Variants in VWA3B observed in about 807,000 individuals in gnomAD.
VWA3B encodes the protein von Willebrand factor A domain containing 3B, also known as von Willebrand factor A domain-containing protein 3B.
Under a neutral mutation model 158.3 loss-of-function variants are expected in VWA3B, and 138 were observed. The ratio of observed to expected loss-of-function variants is 0.87; its 90% CI spans 0.76 to 1.00. The LOEUF is 1.00. VWA3B is among the 50% of genes least tolerant of loss of function. VWA3B has a pLI of 0.00. For synonymous variants in VWA3B, 596 were observed against 587.3 expected (o/e 1.01, Z -0.21); for missense variants, 1,555 against 1,565.1 (o/e 0.99, Z 0.11).
chr2:98,168,528 T>C (rs1679302586), intron 8 of VWA3B, among the ~76,000 whole-genome samples: 1 of 152,132 alleles, frequency 6.6e-6, no homozygotes, highest in Admixed American at 6.5e-5. Context: ...CATTCAGCTT[T>C]CTTAACTTCA....
At chr2:98,142,651 C>A (rs1676871478) in intron 7 of VWA3B, among the ~76,000 whole-genome samples, 1 of 152,152 alleles carries the variant, frequency 6.6e-6, no homozygotes, top group Non-Finnish European at 1.5e-5. Flanking sequence ...TAAATGTGAC[C>A]TTCTGTAAGT....
intron 7 of VWA3B, among the ~76,000 whole-genome samples, chr2:98,156,438 C>T (rs1678081700): frequency 6.6e-6 from 1 of 152,162 alleles, no homozygotes; most frequent in Non-Finnish European, 1.5e-5. Context: ...ACACAACCAT[C>T]CTCACAGAGA....
rs113067837 is a variant in VWA3B at position 98,181,169 on chromosome 2, A to T, written c.1268A>T (p.Asp423Val). Residue 423 changes from aspartate (D) to valine (V), a missense_variant, in exon 9 of 28, where the codon GAT becomes GTT. Transcript: ENST00000477737. ...CSFRHADGVV[D>V]IKAKPENESV... is the part of the protein sequence containing the mutation. The stretch of plus-strand genomic sequence containing the variant: ...TTCCGCCACGCTGATGGGGTTGTGG[A>T]TATAAAAGCCAAACCGGAGAATGAG... The T allele has an allele frequency of 1.2e-5, 20 of 1,614,204 alleles. No homozygotes were observed. In the African/African-American group the frequency reaches 1.7e-4, roughly 14 times the overall value.
rs184789738 is a variant in VWA3B, at chr2:98,222,391, G to A, written c.2019+4363G>A. Among the ~76,000 whole-genome samples, 525 of 152,296 alleles carry A rather than the reference G, an allele frequency of 3.4e-3. 1 individual carries two copies. Among genetic ancestry groups the A allele is most frequent in the Non-Finnish European group, 5.7e-3 (390 of 68,030 alleles). On this transcript the variant is annotated intron_variant, in intron 14 of 27. Coordinates refer to ENST00000477737, the MANE Select transcript of VWA3B (RefSeq NM_144992.5). ...CACATATAAGAAGTACACCAGAGGA[G>A]GATGTTTACTTGGATAGGTGGGCAG...
At chr2:98,152,112 C>T (rs544733963) in intron 7 of VWA3B, among the ~76,000 whole-genome samples, 5 of 152,212 alleles carry the variant, frequency 3.3e-5, no homozygotes, top group South Asian at 2.1e-4. Context: ...AGGAGTAGGC[C>T]GCAGGGGCCT....
chr2:98,221,698 C>A (rs532297833), intron 14 of VWA3B, among the ~76,000 whole-genome samples: 3 of 152,290 alleles, frequency 2.0e-5, no homozygotes, highest in South Asian at 2.1e-4. Flanking sequence ...ATCAGAGGGA[C>A]TGAGTGGGAA....
chr2:98,144,642 C>G (rs1448572811), intron 7 of VWA3B, among the ~76,000 whole-genome samples: 2 of 151,714 alleles, frequency 1.3e-5, no homozygotes, highest in South Asian at 2.1e-4. Flanking sequence ...TCTCGACTCA[C>G]TGCGACCTCC....
chr2:98,195,632 T>C (rs549401210), intron 12 of VWA3B, among the ~76,000 whole-genome samples: 50 of 152,308 alleles, frequency 3.3e-4, no homozygotes, highest in African/African-American at 1.2e-3. Context: ...AATACCTTGT[T>C]AACTCAGAGC....
chr2:98,129,936 G>A (rs1408051906), intron 6 of VWA3B, among the ~76,000 whole-genome samples: 1 of 152,158 alleles, frequency 6.6e-6, no homozygotes, highest in Non-Finnish European at 1.5e-5. Flanking sequence ...TCGTTAGGTG[G>A]AACGAGAGAT....
At chr2:98,261,629 A>C (rs568271785) in intron 21 of VWA3B, among the ~76,000 whole-genome samples, 13 of 151,794 alleles carry the variant, frequency 8.6e-5, no homozygotes, top group African/African-American at 3.1e-4. Flanking sequence ...TTATCTGGAA[A>C]TGTCTTAATC....
intron 10 of VWA3B, 52 bp downstream of exon 10, chr2:98,188,181 T>A: frequency 6.4e-7 from 1 of 1,566,998 alleles, no homozygotes; most frequent in South Asian, 1.2e-5. Flanking sequence ...CTGGACATTC[T>A]CATCTGCTTG....
At chr2:98,275,428 AG>A (rs1390035993) in intron 22 of VWA3B, among the ~76,000 whole-genome samples, 6 of 152,074 alleles carry the variant, frequency 3.9e-5, no homozygotes, top group Non-Finnish European at 1.5e-5. Context: ...GAGGAGGAGG[AG>A]AGAGTAGAAG....
At chr2:98,303,845 C>A (rs1690349546) in intron 26 of VWA3B, 43 bp downstream of exon 26, 10 of 1,572,658 alleles carry the variant, frequency 6.4e-6, no homozygotes, top group Non-Finnish European at 7.9e-6. Context: ...TAATTTATAT[C>A]CTTGCACCTT....
At chr2:98,279,119 C>T (rs775209261) in intron 22 of VWA3B, among the ~76,000 whole-genome samples, 50 of 152,166 alleles carry the variant, frequency 3.3e-4, no homozygotes, top group Non-Finnish European at 5.4e-4. Context: ...CCCTTCATTA[C>T]TGTGCCACGT....
intron 25 of VWA3B, among the ~76,000 whole-genome samples, chr2:98,301,980 T>TCTTTATCA (rs1198804379): frequency 1.3e-5 from 2 of 152,196 alleles, no homozygotes; most frequent in African/African-American, 4.8e-5. Context: ...CTTTATCAGT[T>TCTTTATCA]TACGAAACTG....
chr2:98,188,181 T>C (rs749534011), intron 10 of VWA3B, 52 bp downstream of exon 10: 1 of 1,566,998 alleles, frequency 6.4e-7, no homozygotes, highest in South Asian at 1.2e-5. Flanking sequence ...CTGGACATTC[T>C]CATCTGCTTG....
chr2:98,124,048 A>G (rs1025057199), intron 5 of VWA3B, among the ~76,000 whole-genome samples: 8 of 152,240 alleles, frequency 5.3e-5, no homozygotes, highest in African/African-American at 1.7e-4. Flanking sequence ...TGGATTAAAG[A>G]CAGACCCACA....
intron 23 of VWA3B, among the ~76,000 whole-genome samples, chr2:98,294,913 A>G (rs924300744): frequency 1.3e-5 from 2 of 152,222 alleles, no homozygotes; most frequent in Non-Finnish European, 2.9e-5. Context: ...AACCCTTCAT[A>G]AACTGGCTGT....
intron 2 of VWA3B, among the ~76,000 whole-genome samples, chr2:98,110,080 C>CTTTTTTTTTT (rs541914854): frequency 2.1e-5 from 3 of 145,038 alleles, no homozygotes; most frequent in Non-Finnish European, 3.0e-5. Flanking sequence ...TCTTTGAATT[C>CTTTTTTTTTT]TTTTTTTTTT....
Sources: allele counts gnomAD v4.1 joint callset (sites outside exome capture counted in the v4.1 genomes callset), GRCh38; gene constraint gnomAD v4.1.1; transcripts MANE v1.5; gene names NCBI Gene and HGNC (gene_info 2026-07-23, HGNC 2026-07-21).